The following MTMR8 variants were observed in gnomAD, a reference collection of about 807,000 sequenced individuals.
MTMR8 encodes the protein myotubularin related protein 8.
In MTMR8, 65 loss-of-function variants were observed where a neutral mutation model predicts 39.3. The observed-to-expected ratio is 1.65, with a 90% CI of 1.35 to 2.03. The LOEUF is 2.03. Ranked by LOEUF, MTMR8 falls within the 30% of genes most tolerant of loss-of-function variation. MTMR8 has a pLI of 0.00. For synonymous variants in MTMR8, 245 were observed against 185.2 expected, an observed-to-expected ratio of 1.32 and a Z score of -2.62; for missense variants, 777 against 538.9, an observed-to-expected ratio of 1.44 and a Z score of -4.37.
chrX:64,395,317 C>T, intron 1 of MTMR8, 23 bp downstream of exon 1: 2 of 1,208,927 alleles, frequency 1.7e-6, no homozygotes, highest in South Asian at 3.5e-5. Flanking sequence ...CGGCTGTCAG[C>T]CTCGCTTAAC....
At chrX:64,289,065 A>T (rs1303265107) in intron 12 of MTMR8, among the ~76,000 whole-genome samples, 1 of 110,004 alleles carries the variant, frequency 9.1e-6, no homozygotes, top group African/African-American at 3.3e-5. Flanking sequence ...AAACTTCTAC[A>T]ACAACAACAA....
At chrX:64,301,928 G>C (rs1000190304) in intron 12 of MTMR8, among the ~76,000 whole-genome samples, 7 of 112,095 alleles carry the variant, frequency 6.2e-5, no homozygotes, top group Admixed American at 5.7e-4. Flanking sequence ...CCGGTTCTCA[G>C]ATCTCCAGCT....
chrX:64,380,281 C>T (rs1184292736), intron 1 of MTMR8, among the ~76,000 whole-genome samples: 62 of 112,736 alleles, frequency 5.5e-4, no homozygotes, highest in Non-Finnish European at 3.0e-4. Flanking sequence ...TTCAGATTTC[C>T]ATTAAATAAT....
At chrX:64,380,127 G>A (rs1213588635) in intron 1 of MTMR8, among the ~76,000 whole-genome samples, 2 of 112,049 alleles carry the variant, frequency 1.8e-5, no homozygotes, top group African/African-American at 3.2e-5. Context: ...CCAGGGAACT[G>A]ACTTCACTGC....
At chrX:64,385,093 G>T (rs750722611) in intron 1 of MTMR8, among the ~76,000 whole-genome samples, 5 of 112,129 alleles carry the variant, frequency 4.5e-5, no homozygotes, top group South Asian at 7.5e-4. Context: ...TTGCTGATTA[G>T]AATTTTTTTC....
intron 1 of MTMR8, among the ~76,000 whole-genome samples, chrX:64,372,926 T>C (rs1924165820): frequency 9.0e-6 from 1 of 111,717 alleles, no homozygotes; most frequent in Admixed American, 9.6e-5. Flanking sequence ...TACTTCATTG[T>C]CAGACAAATA....
chrX:64,322,871 C>T (rs55709213), intron 12 of MTMR8, among the ~76,000 whole-genome samples: 2 of 112,643 alleles, frequency 1.8e-5, no homozygotes, highest in Admixed American at 9.4e-5. Context: ...GTCCACTGCT[C>T]CAGCACAAAG....
At chrX:64,384,213 G>A (rs143729819) in intron 1 of MTMR8, among the ~76,000 whole-genome samples, 63 of 112,100 alleles carry the variant, frequency 5.6e-4, no homozygotes, top group Non-Finnish European at 7.5e-4. Context: ...GTGAGGGGTG[G>A]ACTCTGAAGG....
At chrX:64,326,442 T>C (rs145861059) in intron 12 of MTMR8, among the ~76,000 whole-genome samples, 2,164 of 111,684 alleles carry the variant, frequency 0.019, 37 homozygotes, top group Middle Eastern at 0.051. Context: ...CAATCCCACT[T>C]ACAATAGTTA....
intron 1 of MTMR8, among the ~76,000 whole-genome samples, chrX:64,393,351 G>T (rs1008180361): frequency 8.9e-6 from 1 of 111,824 alleles, no homozygotes; most frequent in Admixed American, 9.5e-5. Context: ...ATACGTATTA[G>T]CTGCTATTAT....
chrX:64,381,051 A>G (rs951912205), intron 1 of MTMR8, among the ~76,000 whole-genome samples: 1 of 112,141 alleles, frequency 8.9e-6, no homozygotes, highest in Non-Finnish European at 1.9e-5. Flanking sequence ...GCCGCAATAA[A>G]CATATGTGCA....
intron 12 of MTMR8, among the ~76,000 whole-genome samples, chrX:64,286,100 G>C (rs1001020797): frequency 9.0e-6 from 1 of 111,661 alleles, no homozygotes; most frequent in Non-Finnish European, 1.9e-5. Flanking sequence ...AAGAATAAAA[G>C]AGAGAAGAAT....
intron 2 of MTMR8, 93 bp from the exon 3 acceptor site, chrX:64,356,431 G>T: frequency 1.2e-6 from 1 of 811,734 alleles, no homozygotes; most frequent in Non-Finnish European, 1.7e-6. Context: ...GTAACAGCAT[G>T]ACCAGATCTG....
At chrX:64,318,044 G>C (rs1340187084) in intron 12 of MTMR8, among the ~76,000 whole-genome samples, 1 of 112,446 alleles carries the variant, frequency 8.9e-6, no homozygotes. Flanking sequence ...AATGCTAGGT[G>C]AAAGTCCAGA....
At chrX:64,277,682 A>T (rs1348887582) in intron 12 of MTMR8, among the ~76,000 whole-genome samples, 2 of 110,166 alleles carry the variant, frequency 1.8e-5, no homozygotes, top group Non-Finnish European at 3.8e-5. Flanking sequence ...CCTTCCTTTC[A>T]ACCTTGGTGA....
chrX:64,380,117 C>A (rs753038457), intron 1 of MTMR8, among the ~76,000 whole-genome samples: 3 of 112,261 alleles, frequency 2.7e-5, no homozygotes, highest in African/African-American at 9.7e-5. Context: ...TTCAGTTAAA[C>A]CAGGGAACTG....
chrX:64,283,103 G>C (rs746589669), intron 12 of MTMR8, among the ~76,000 whole-genome samples: 3 of 111,979 alleles, frequency 2.7e-5, no homozygotes, highest in Admixed American at 1.9e-4. Context: ...GATGGCACCT[G>C]GAATTTTGGG....
intron 12 of MTMR8, among the ~76,000 whole-genome samples, chrX:64,295,474 C>G (rs935147613): frequency 1.8e-5 from 2 of 111,140 alleles, no homozygotes; most frequent in Non-Finnish European, 3.8e-5. Flanking sequence ...ATAAACTGTA[C>G]TTTATCAAAA....
chrX:64,268,507 T>C lies in MTMR8; in HGVS notation c.*30A>G. On this transcript the variant is annotated 3_prime_UTR_variant, in exon 14 of 14. Transcript: ENST00000374852. ...CAAGAATCATTGTAGCTGCTGTAGG[T>C]ATACCTAGCATGGAAGATGAGTAAC... The C allele has an allele frequency of 8.5e-7, 1 of 1,179,049 alleles. No homozygotes were observed. Among genetic ancestry groups the C allele is most frequent in the Non-Finnish European group, 1.1e-6 (1 of 880,257 alleles).
Sources: allele counts gnomAD v4.1 joint callset (sites outside exome capture counted in the v4.1 genomes callset), GRCh38; gene constraint gnomAD v4.1.1; transcripts MANE v1.5; gene names NCBI Gene and HGNC (gene_info 2026-07-23, HGNC 2026-07-21).